The following SGCZ variants were observed in gnomAD, a reference collection of about 807,000 sequenced individuals.
SGCZ encodes sarcoglycan zeta.
Under a neutral mutation model 41.3 loss-of-function variants are expected in SGCZ, and 40 were observed. The ratio of observed to expected loss-of-function variants is 0.97; its 90% CI spans 0.75 to 1.26. SGCZ has a LOEUF of 1.26. Ranked by LOEUF, SGCZ falls within the 50% of genes most tolerant of loss-of-function variation. The pLI, the probability that SGCZ is intolerant of heterozygous loss-of-function variation, is 0.00. For missense variants in SGCZ, 552 were observed against 369.8 expected (o/e 1.49, Z -4.04); for synonymous variants, 206 against 137.5 (o/e 1.50, Z -3.49).
chr8:15,101,735 G>C (rs1014620908), intron 1 of SGCZ, among the ~76,000 whole-genome samples: 3 of 152,108 alleles, frequency 2.0e-5, no homozygotes, highest in African/African-American at 7.2e-5. Context: ...TTTGAGACCA[G>C]CCTGGAAAAC....
At chr8:14,227,766 G>T (rs1806422090) in intron 4 of SGCZ, among the ~76,000 whole-genome samples, 1 of 151,930 alleles carries the variant, frequency 6.6e-6, no homozygotes, top group Admixed American at 6.6e-5. Context: ...CTCTTCCTTT[G>T]CTCAATTTTC....
intron 1 of SGCZ, among the ~76,000 whole-genome samples, chr8:15,234,981 T>C (rs2117216896): frequency 6.6e-6 from 1 of 152,308 alleles, no homozygotes; most frequent in Admixed American, 6.5e-5. Flanking sequence ...TAAAGCATCA[T>C]AAAAACCAAA....
chr8:14,179,449 G>A (rs922484326), intron 4 of SGCZ, among the ~76,000 whole-genome samples: 1 of 152,134 alleles, frequency 6.6e-6, no homozygotes, highest in African/African-American at 2.4e-5. Flanking sequence ...CTTTTCAGGA[G>A]CTACCACAAG....
chr8:14,878,825 T>G (rs1804466125), intron 1 of SGCZ, among the ~76,000 whole-genome samples: 1 of 152,148 alleles, frequency 6.6e-6, no homozygotes. Flanking sequence ...TCTACTTCAG[T>G]AAAAGAGAGC....
intron 1 of SGCZ, among the ~76,000 whole-genome samples, chr8:15,082,916 A>G (rs536750641): frequency 1.3e-5 from 2 of 151,966 alleles, no homozygotes; most frequent in South Asian, 4.2e-4. Context: ...ACAGTATTCA[A>G]TTTTCTAGCA....
intron 4 of SGCZ, among the ~76,000 whole-genome samples, chr8:14,177,522 GTTT>G (rs869224445): frequency 7.2e-5 from 11 of 151,824 alleles, no homozygotes; most frequent in African/African-American, 2.7e-4. Flanking sequence ...TTGTTTGTTT[GTTT>G]TTGAGACGGA....
intron 1 of SGCZ, among the ~76,000 whole-genome samples, chr8:14,720,214 G>T (rs1180445041): frequency 6.6e-6 from 1 of 151,748 alleles, no homozygotes; most frequent in East Asian, 1.9e-4. Flanking sequence ...CTACTTACAT[G>T]CTTAAAATAA....
At chr8:14,159,788 G>T (rs1314125191) in intron 5 of SGCZ, among the ~76,000 whole-genome samples, 1 of 152,138 alleles carries the variant, frequency 6.6e-6, no homozygotes, top group African/African-American at 2.4e-5. Flanking sequence ...TAATAGAAAG[G>T]TTGAGTCCAA....
intron 1 of SGCZ, among the ~76,000 whole-genome samples, chr8:15,079,938 C>A (rs1290868921): frequency 6.6e-6 from 1 of 152,162 alleles, no homozygotes; most frequent in African/African-American, 2.4e-5. Flanking sequence ...TTGGGCCCAG[C>A]AACATACACT....
intron 1 of SGCZ, among the ~76,000 whole-genome samples, chr8:14,740,539 C>A (rs1799171691): frequency 6.6e-6 from 1 of 152,030 alleles, no homozygotes; most frequent in Admixed American, 6.6e-5. Flanking sequence ...TGAATGTCCA[C>A]TAATGATGTC....
intron 1 of SGCZ, among the ~76,000 whole-genome samples, chr8:15,204,003 C>T (rs535114436): frequency 2.0e-5 from 3 of 152,072 alleles, no homozygotes; most frequent in Non-Finnish European, 2.9e-5. Flanking sequence ...CATATTATTG[C>T]TTTATCTTTA....
chr8:14,194,184 G>C lies in SGCZ; in HGVS notation c.425-29482C>G, dbSNP rs561312159. ...CAACTATGTTAGATGCCTTTAAAAG[G>C]TAAATATTATCTTAGACTGTATAGA... On this transcript the variant is annotated intron_variant, in intron 4 of 7. Transcript: ENST00000382080. 1.1e-4 allele frequency among the ~76,000 whole-genome samples: 17 copies of C among 151,886 alleles called. No homozygotes were observed. In the South Asian group the frequency reaches 3.5e-3, roughly 32 times the overall value.
intron 2 of SGCZ, among the ~76,000 whole-genome samples, chr8:14,501,013 A>T (rs1424310031): frequency 6.6e-6 from 1 of 151,942 alleles, no homozygotes; most frequent in African/African-American, 2.4e-5. Context: ...TTATCTTAAC[A>T]GATCTTGAGG....
intron 1 of SGCZ, among the ~76,000 whole-genome samples, chr8:15,140,745 A>ACTTTATCTATTATC (rs1262443210): frequency 6.6e-6 from 1 of 152,112 alleles, no homozygotes; most frequent in African/African-American, 2.4e-5. Context: ...TTCAGATTAT[A>ACTTTATCTATTATC]CTTTATCTAT....
chr8:14,520,029 A>G (rs555757089), intron 2 of SGCZ, among the ~76,000 whole-genome samples: 1 of 152,248 alleles, frequency 6.6e-6, no homozygotes, highest in East Asian at 1.9e-4. Flanking sequence ...AAAATGATAT[A>G]TTTAACCATG....
chr8:14,568,372 A>G (rs1804444923), intron 1 of SGCZ, among the ~76,000 whole-genome samples: 2 of 151,478 alleles, frequency 1.3e-5, no homozygotes. Flanking sequence ...CACATTCAGC[A>G]CATGTATCCC....
intron 2 of SGCZ, among the ~76,000 whole-genome samples, chr8:14,461,075 A>T (rs1040063975): frequency 6.6e-6 from 1 of 152,096 alleles, no homozygotes; most frequent in Admixed American, 6.6e-5. Context: ...TATGAAAAGG[A>T]ATTCAGGGTG....
At chr8:14,433,051 A>G (rs1467592966) in intron 2 of SGCZ, among the ~76,000 whole-genome samples, 1 of 152,164 alleles carries the variant, frequency 6.6e-6, no homozygotes, top group Non-Finnish European at 1.5e-5. Flanking sequence ...AAAGCAAACA[A>G]CAAACAAAAA....
chr8:14,698,321 A>G (rs780266450), intron 1 of SGCZ, among the ~76,000 whole-genome samples: 2 of 151,930 alleles, frequency 1.3e-5, no homozygotes, highest in Non-Finnish European at 2.9e-5. Flanking sequence ...ATTTAAATAT[A>G]TATTTCAGAT....
Sources: gnomAD v4.1 joint callset for allele counts (sites outside exome capture counted in the v4.1 genomes callset) on GRCh38, gnomAD v4.1.1 for gene constraint, MANE v1.5 for transcripts, NCBI Gene and HGNC (gene_info 2026-07-23, HGNC 2026-07-21) for gene names.